Variants in CCDC71 observed in about 807,000 individuals in gnomAD.
CCDC71 encodes the protein coiled-coil domain-containing protein 71.
For synonymous variants in CCDC71, 257 were observed against 242.2 expected, an observed-to-expected ratio of 1.06 and a Z score of -0.57; for missense variants, 594 against 604.0, an observed-to-expected ratio of 0.98 and a Z score of 0.17.
Position 49,166,145 on chromosome 3 carries a change from G to C in CCDC71, c.-53+122C>G, listed in dbSNP as rs1055361057. On this transcript the variant is annotated intron_variant, in intron 1 of 1. Transcript: ENST00000321895. This position sits in a 1 kb window ranked among gnomAD's most constrained non-coding sequence, Gnocchi z 4.0. ...CTGGGCGCGGGGTGGGGGTGGGGTG[G>C]GGGGTCTCGGCCAGGCCGGCGGAGG... The C allele has an allele frequency of 4.3e-4, 8 of 18,666 alleles. No homozygotes were observed. Among genetic ancestry groups the C allele is most frequent in the Non-Finnish European group, 7.5e-4 (6 of 8,050 alleles). The allele number at this position is 18,666 out of a possible 1,614,324, so 1.2% of individuals were successfully genotyped here. A position where few individuals can be genotyped will look rare whatever the true frequency, so the allele number is the denominator to read the frequency against.
chr3:49,163,130 G>A lies in CCDC71; in HGVS notation c.1079C>T (p.Pro360Leu). 1 of 1,614,244 alleles carries A rather than the reference G, an allele frequency of 6.2e-7. No homozygotes were observed. The highest frequency in any genetic ancestry group is 8.5e-7 in the Non-Finnish European group (1 of 1,180,046). The change falls in exon 2 of 2, where the codon CCC (proline) becomes CTC (leucine). Residue 360 changes from proline (P) to leucine (L), a missense_variant. Physicochemically the swap from Pro to Leu is moderately conservative, Grantham distance 98. Coordinates refer to ENST00000321895, the MANE Select transcript of CCDC71 (RefSeq NM_022903.4). Reference protein sequence around the residue: ...RAKAKVARTQPRGRGRPKGSA... With the variant: ...RAKAKVARTQLRGRGRPKGSA... ...TCCCTTTGGCCTGCCTCTGCCCCTG[G>A]GCTGGGTCCGAGCCACCTTGGCCTT...
chr3:49,162,925 G>A lies in CCDC71; in HGVS notation c.1284C>T (p.Ala428=), dbSNP rs1159009912. 16 of 1,614,140 alleles carry A rather than the reference G, an allele frequency of 9.9e-6. No homozygotes were observed. Among genetic ancestry groups the A allele is most frequent in the Non-Finnish European group, 1.3e-5 (15 of 1,180,060 alleles). ...PGTAKLLKFR[A]IKVDRRSSDD... ...CCGAGGACCGCCTATCTACCTTTAT[G>A]GCACGGAACTTCAGCAGCTTTGCTG... Residue 428 remains alanine (A), a synonymous_variant, in exon 2 of 2, where the codon GCC becomes GCT. Coordinates refer to ENST00000321895, the MANE Select transcript of CCDC71 (RefSeq NM_022903.4).
chr3:49,164,588 C>T (rs1459600922), intron 1 of CCDC71, among the ~76,000 whole-genome samples: 2 of 152,186 alleles, frequency 1.3e-5, no homozygotes. Flanking sequence ...AATTACTCAG[C>T]TCTGGGAATA....
At position 49,164,236 on chromosome 3, in the gene CCDC71, G is replaced by T. The variant is rs778267449; in HGVS notation, c.-28C>A. ...CATTAGGCACTGCAGATCTGCCTGG[G>T]TATCCGCAAACCAGCGCTTGGCACC... On this transcript the variant is annotated 5_prime_UTR_variant, in exon 2 of 2. Transcript: ENST00000321895. 6.3e-7 allele frequency: 1 copy of T among 1,592,844 alleles called. No homozygotes were observed.
At chr3:49,164,302 G>C in intron 1 of CCDC71, 42 bp from the exon 2 acceptor site, 3 of 1,228,898 alleles carry the variant, frequency 2.4e-6, no homozygotes, top group Non-Finnish European at 2.3e-6. Flanking sequence ...ATGGCACTAA[G>C]ACAAGGGGCC....
In CCDC71 at chr3:49,162,886, C is replaced by T. The variant is rs1283251392; in HGVS notation, c.1323G>A (p.Arg441=). 1.2e-6 allele frequency: 2 copies of T among 1,614,216 alleles called. No homozygotes were observed. Among genetic ancestry groups the T allele is most frequent in the East Asian group, 4.5e-5 (2 of 44,882 alleles). ...CGCGGAGGATCCGCTGAGCCCGCTG[C>T]CGCACCTCATCATCCGAGGACCGCC... ...VDRRSSDDEV[R]QRAQRILRVN... Residue 441 remains arginine (R), a synonymous_variant, in exon 2 of 2, where the codon CGG becomes CGA. Transcript: ENST00000321895.
intron 1 of CCDC71, 25 bp from the exon 2 acceptor site, chr3:49,164,285 A>G (rs1362916879): frequency 7.1e-7 from 1 of 1,416,982 alleles, no homozygotes; most frequent in Non-Finnish European, 9.8e-7. Context: ...GAAAAGAGTC[A>G]ATAAGAATGG....
chr3:49,163,804 C>G lies in CCDC71; in HGVS notation c.405G>C (p.Lys135Asn). The G allele has an allele frequency of 3.7e-6, 6 of 1,614,156 alleles. No individual in the cohort carries two copies. Among genetic ancestry groups the G allele is most frequent in the Non-Finnish European group, 5.1e-6 (6 of 1,180,036 alleles). Reference sequence around the variant, plus strand: ...TCAGCAGCAGGTTGGTGGTAGCATGCTTGGCAAGGGCTGGTGTGGATGCTT... The same window carrying G: ...TCAGCAGCAGGTTGGTGGTAGCATGGTTGGCAAGGGCTGGTGTGGATGCTT... ...LAKASTPALA[K>N]HATTNLLLSS... The change falls in exon 2 of 2, where the codon AAG becomes AAC. Residue 135 changes from lysine to asparagine, a missense_variant. Coordinates refer to ENST00000321895, the MANE Select transcript of CCDC71 (RefSeq NM_022903.4).
intron 1 of CCDC71, among the ~76,000 whole-genome samples, chr3:49,164,651 A>G (rs2045712533): frequency 6.6e-6 from 1 of 152,228 alleles, no homozygotes; most frequent in Admixed American, 6.5e-5. Context: ...AGAAAAAGAC[A>G]CTGTTAAGAT....
Position 49,166,287 on chromosome 3 carries a change from A to C in CCDC71, c.-73T>G, listed in dbSNP as rs1025809512. The C allele has an allele frequency of 1.3e-5, 2 of 152,104 alleles. No individual in the cohort carries two copies. The highest frequency in any genetic ancestry group is 6.6e-5 in the Admixed American group (1 of 15,264). 9.4% of individuals were successfully genotyped at this position (152,104 alleles called of 1,614,324 possible). A position where few individuals can be genotyped will look rare whatever the true frequency, so the allele number is the denominator to read the frequency against. The stretch of plus-strand genomic sequence containing the variant: ...CCTACCGGCGCCGCCGCGGGGACCC[A>C]AGACGCGCCTCTGCGCCGCCTCCGC... On this transcript the variant is annotated 5_prime_UTR_variant, in exon 1 of 2. Transcript: ENST00000321895. This position sits in a 1 kb window ranked among gnomAD's most constrained non-coding sequence, Gnocchi z 4.0.
At position 49,163,187 on chromosome 3, in the gene CCDC71, T is replaced by C. The variant is rs531662198; in HGVS notation, c.1022A>G (p.Lys341Arg). ...AKAKVMAAWAKAKAKAKAVRA... is the reference protein window; with the variant it reads ...AKAKVMAAWARAKAKAKAVRA... ...TACTGCCTTGGCTTTAGCCTTGGCC[T>C]TGGCCCATGCTGCCATGACTTTGGC... is the stretch of plus-strand genomic sequence containing the variant. The change falls in exon 2 of 2, where the codon AAG (lysine) becomes AGG (arginine). Residue 341 changes from lysine to arginine, a missense_variant. By Grantham distance (26) the Lys-to-Arg change is conservative (BLOSUM62 2). Coordinates refer to ENST00000321895, the MANE Select transcript of CCDC71 (RefSeq NM_022903.4). The C allele has an allele frequency of 1.1e-4, 180 of 1,569,320 alleles. 1 individual carries two copies. In the South Asian group the frequency reaches 2.0e-3, roughly 18 times the overall value.
Position 49,163,551 on chromosome 3 carries a change from G to C in CCDC71, c.658C>G (p.Pro220Ala), listed in dbSNP as rs147321067. 79 of 1,614,236 alleles carry C rather than the reference G, an allele frequency of 4.9e-5. No individual in the cohort carries two copies. In the African/African-American group the frequency reaches 8.0e-4, roughly 16 times the overall value. ...LKLRKSSGKG[P>A]GNPRPKAPRK... ...GGAGCTTTGGGCCGAGGGTTCCCCG[G>C]ACCCTTCCCTGAACTTTTCCGCAGT... The change falls in exon 2 of 2, where the codon CCG becomes GCG. Residue 220 changes from proline (P) to alanine (A), a missense_variant. Coordinates refer to ENST00000321895, the MANE Select transcript of CCDC71 (RefSeq NM_022903.4).
Position 49,163,264 on chromosome 3 carries a change from T to TGCCTTG in CCDC71, c.939_944dup (p.Lys314_Ala315dup). On this transcript the variant is annotated inframe_insertion, in exon 2 of 2. Coordinates refer to ENST00000321895, the MANE Select transcript of CCDC71 (RefSeq NM_022903.4). ...CTTTGGCCTTAGCCTTGACCTGTGC[T>TGCCTTG]GCCTTGGCCTTGGCCCGGGCCTTAG... The TGCCTTG allele has an allele frequency of 6.3e-7, 1 of 1,575,232 alleles. No individual in the cohort carries two copies. The highest frequency in any genetic ancestry group is 8.7e-7 in the Non-Finnish European group (1 of 1,150,888).
intron 1 of CCDC71, among the ~76,000 whole-genome samples, chr3:49,165,194 C>A (rs1003799983): frequency 3.3e-5 from 5 of 152,168 alleles, no homozygotes; most frequent in African/African-American, 1.2e-4. Flanking sequence ...GGAAGCCAGA[C>A]CAAGATCCCA....
In CCDC71 at chr3:49,165,058, A is replaced by G. The variant is rs528146772; in HGVS notation, c.-52-798T>C. On this transcript the variant is annotated intron_variant, in intron 1 of 1. Transcript: ENST00000321895. Reference sequence around the variant, plus strand: ...CTCTAGACAGGGTACTCAGCAACCCATTTTCTAGCTCCAGAGGCATGGAGA... The same window carrying G: ...CTCTAGACAGGGTACTCAGCAACCCGTTTTCTAGCTCCAGAGGCATGGAGA... Among the ~76,000 whole-genome samples the G allele has an allele frequency of 7.2e-5, 11 of 152,276 alleles. No individual in the cohort carries two copies. In the East Asian group the frequency reaches 2.1e-3, roughly 29 times the overall value.
chr3:49,163,190 G>C lies in CCDC71; in HGVS notation c.1019C>G (p.Ala340Gly). The C allele has an allele frequency of 6.4e-7, 1 of 1,569,240 alleles. No homozygotes were observed. The highest frequency in any genetic ancestry group is 8.7e-7 in the Non-Finnish European group (1 of 1,148,006). ...TGCCTTGGCTTTAGCCTTGGCCTTGGCCCATGCTGCCATGACTTTGGCCTT... is the reference window on the plus strand; with the variant it reads ...TGCCTTGGCTTTAGCCTTGGCCTTGCCCCATGCTGCCATGACTTTGGCCTT... ...KAKAKVMAAW[A>G]KAKAKAKAVR... Residue 340 changes from alanine to glycine, a missense_variant, in exon 2 of 2, where the codon GCC (alanine) becomes GGC (glycine). Coordinates refer to ENST00000321895, the MANE Select transcript of CCDC71 (RefSeq NM_022903.4).
chr3:49,164,284 C>A, intron 1 of CCDC71, 24 bp from the exon 2 acceptor site: 2 of 1,425,222 alleles, frequency 1.4e-6, no homozygotes, highest in South Asian at 1.3e-5. Flanking sequence ...GGAAAAGAGT[C>A]AATAAGAATG....
intron 1 of CCDC71, among the ~76,000 whole-genome samples, chr3:49,165,616 A>T (rs1455836612): frequency 6.6e-6 from 1 of 152,278 alleles, no homozygotes; most frequent in Non-Finnish European, 1.5e-5. Context: ...TTGGATCCTC[A>T]GGTGTCTTGG....
In CCDC71 at chr3:49,162,675, G is replaced by C. The variant is rs2045697358; in HGVS notation, c.*130C>G. ...CCACTCTGGTTTCTGAAAGGAGGCT[G>C]GTGGTCACCAGGGCCCTAGAGAGGC... On this transcript the variant is annotated 3_prime_UTR_variant, in exon 2 of 2. Transcript: ENST00000321895. The C allele has an allele frequency of 3.8e-6, 2 of 526,006 alleles. No individual in the cohort carries two copies. Among genetic ancestry groups the C allele is most frequent in the Admixed American group, 4.1e-5 (1 of 24,256 alleles). The allele number at this position is 526,006 out of a possible 1,614,324, so 32.6% of individuals were successfully genotyped here. A position where few individuals can be genotyped will look rare whatever the true frequency, so the allele number is the denominator to read the frequency against.
Sources: allele counts gnomAD v4.1 joint callset (sites outside exome capture counted in the v4.1 genomes callset), GRCh38; gene constraint gnomAD v4.1.1; non-coding constraint Gnocchi (gnomAD v3.1); transcripts MANE v1.5; gene names NCBI Gene and HGNC (gene_info 2026-07-23, HGNC 2026-07-21).